The following LRRC69 variants were observed in gnomAD, a reference collection of about 807,000 sequenced individuals.
LRRC69 encodes the protein leucine rich repeat containing 69.
A neutral mutation model predicts 37.8 loss-of-function variants in LRRC69; 42 were observed. The ratio of observed to expected loss-of-function variants is 1.11; its 90% CI spans 0.87 to 1.44. The LOEUF is 1.44. Ranked by LOEUF, LRRC69 falls within the 40% of genes most tolerant of loss-of-function variation. The pLI, the probability that LRRC69 is intolerant of heterozygous loss-of-function variation, is 0.00. For missense variants in LRRC69, 357 were observed against 401.9 expected (o/e 0.89, Z 0.96); for synonymous variants, 141 against 143.1 (o/e 0.99, Z 0.11).
rs1373928469 is a variant in LRRC69, at chr8:91,177,050, A to G, written c.652-12472A>G. 3.3e-5 allele frequency among the ~76,000 whole-genome samples: 5 copies of G among 152,288 alleles called. No individual in the cohort carries two copies. The East Asian group carries it at 9.6e-4, about 29-fold the overall frequency. ...CATTTTATTAAAAATAGGTAATTATAGTCTTTTTTGGGGGGAGGAATCAGA... is the reference window on the plus strand; with the variant it reads ...CATTTTATTAAAAATAGGTAATTATGGTCTTTTTTGGGGGGAGGAATCAGA... On this transcript the variant is annotated intron_variant, in intron 5 of 7. Coordinates refer to ENST00000448384, the Ensembl canonical transcript of LRRC69.
chr8:91,106,458 A>G (rs947090918), intron 1 of LRRC69, among the ~76,000 whole-genome samples: 4 of 152,048 alleles, frequency 2.6e-5, no homozygotes, highest in African/African-American at 9.6e-5. Flanking sequence ...TAAAATGCTA[A>G]TAGAATAACA....
chr8:91,157,734 A>G, intron 5 of LRRC69: 1 of 1,605,758 alleles, frequency 6.2e-7, no homozygotes. Flanking sequence ...TGCAGGTGGC[A>G]GTCTGAGGAT....
At chr8:91,167,867 T>C (rs1809056997) in intron 5 of LRRC69, among the ~76,000 whole-genome samples, 1 of 151,990 alleles carries the variant, frequency 6.6e-6, no homozygotes, top group African/African-American at 2.4e-5. Flanking sequence ...TTTTTGGTGA[T>C]AGAAATTCTT....
chr8:91,115,647 G>A (rs974318099), intron 1 of LRRC69, among the ~76,000 whole-genome samples: 2 of 151,792 alleles, frequency 1.3e-5, no homozygotes, highest in African/African-American at 4.8e-5. Flanking sequence ...TTAAATTTTT[G>A]CCCAAACATC....
rs146464936 is a variant in LRRC69 at position 91,173,597 on chromosome 8, A to G, written c.652-15925A>G. 4.7e-4 allele frequency among the ~76,000 whole-genome samples: 72 copies of G among 152,272 alleles called. 1 individual carries two copies. The East Asian group carries it at 0.013, about 27-fold the overall frequency. On this transcript the variant is annotated intron_variant, in intron 5 of 7. Transcript: ENST00000448384. ...GGTAGAGATTAATGGAAGCAAAGTA[A>G]TTGTCTTAATCCATCTGGGCTGCTA...
intron 6 of LRRC69, among the ~76,000 whole-genome samples, chr8:91,199,338 G>T (rs1002655045): frequency 2.0e-5 from 3 of 152,268 alleles, no homozygotes; most frequent in East Asian, 3.9e-4. Context: ...AGCTTAAGTG[G>T]GTAGGAGGTT....
chr8:91,139,414 T>C (rs1035309927), intron 5 of LRRC69, among the ~76,000 whole-genome samples: 30 of 151,772 alleles, frequency 2.0e-4, no homozygotes, highest in African/African-American at 6.8e-4. Context: ...TGGTGGCGGG[T>C]GCCTGCAGTC....
chr8:91,126,052 A>G (rs1813708296), intron 2 of LRRC69, among the ~76,000 whole-genome samples: 1 of 151,886 alleles, frequency 6.6e-6, no homozygotes, highest in South Asian at 2.1e-4. Context: ...GAACTTTGAA[A>G]ATCCCATGTG....
chr8:91,211,288 T>G (rs901663166), intron 7 of LRRC69, among the ~76,000 whole-genome samples: 3 of 152,046 alleles, frequency 2.0e-5, no homozygotes, highest in African/African-American at 7.2e-5. Context: ...AAGTATATGA[T>G]AGTAAAAAAG....
chr8:91,133,082 A>G (rs1301135360), intron 3 of LRRC69, 28 bp from the exon 4 acceptor site: 6 of 1,330,914 alleles, frequency 4.5e-6, no homozygotes, highest in Non-Finnish European at 6.1e-6. Context: ...AGTTTCATTC[A>G]TATACTTTGG....
At chr8:91,127,207 C>G (rs527328654) in intron 3 of LRRC69, 47 bp downstream of exon 3, 418 of 1,341,198 alleles carry the variant, frequency 3.1e-4, no homozygotes, top group Admixed American at 5.2e-4. Flanking sequence ...TGCCCCTCCT[C>G]TATCCCCACC....
At chr8:91,193,047 G>C (rs551316628) in intron 6 of LRRC69, among the ~76,000 whole-genome samples, 4,755 of 149,746 alleles carry the variant, frequency 0.032, 232 homozygotes, top group African/African-American at 0.11. Flanking sequence ...AAGGGATCCA[G>C]TTTCAGCTTT....
At chr8:91,198,224 A>G (rs1011081045) in intron 6 of LRRC69, among the ~76,000 whole-genome samples, 1 of 152,326 alleles carries the variant, frequency 6.6e-6, no homozygotes, top group Non-Finnish European at 1.5e-5. Context: ...GCCAGGCTAA[A>G]TGGTTTACCG....
intron 6 of LRRC69, among the ~76,000 whole-genome samples, chr8:91,192,828 T>C (rs1266257331): frequency 2.0e-5 from 3 of 150,532 alleles, no homozygotes; most frequent in Admixed American, 2.0e-4. Context: ...TTTCTTTTGC[T>C]GTGCAGAAGC....
At chr8:91,215,494 TAAAGTGG>T (rs1810027923) in intron 7 of LRRC69, among the ~76,000 whole-genome samples, 2 of 152,186 alleles carry the variant, frequency 1.3e-5, no homozygotes, top group African/African-American at 4.8e-5. Context: ...TATTTGAATT[TAAAGTGG>T]AAAACTACTT....
intron 1 of LRRC69, among the ~76,000 whole-genome samples, chr8:91,115,349 T>C (rs1426406628): frequency 2.0e-5 from 3 of 151,874 alleles, no homozygotes; most frequent in Admixed American, 6.6e-5. Context: ...AGGTAACATA[T>C]GAGAAAAAGG....
rs543464182 is a variant in LRRC69 at position 91,132,766 on chromosome 8, A to T, written c.384-344A>T. On this transcript the variant is annotated intron_variant, in intron 3 of 7. Transcript: ENST00000448384. ...CCTGTTCCTGTATTGATCTATATACATAGGTATGTCCGTGTTCTCCTTGTC... is the reference window on the plus strand; with the variant it reads ...CCTGTTCCTGTATTGATCTATATACTTAGGTATGTCCGTGTTCTCCTTGTC... Among the ~76,000 whole-genome samples, 13 of 152,062 alleles carry T rather than the reference A, an allele frequency of 8.5e-5. No individual in the cohort carries two copies. In the South Asian group the frequency reaches 2.7e-3, roughly 32 times the overall value.
At chr8:91,183,171 CT>C (rs1809351693) in intron 5 of LRRC69, among the ~76,000 whole-genome samples, 1 of 152,102 alleles carries the variant, frequency 6.6e-6, no homozygotes, top group African/African-American at 2.4e-5. Context: ...GGATTTTGAA[CT>C]TTAAGGACAA....
intron 6 of LRRC69, 84 bp downstream of exon 6, chr8:91,189,707 C>T (rs1392616248): frequency 3.3e-6 from 3 of 900,646 alleles, no homozygotes; most frequent in Admixed American, 2.6e-5. Context: ...AACATTCTTG[C>T]CAAGCCAGCA....
Sources: allele counts gnomAD v4.1 joint callset (sites outside exome capture counted in the v4.1 genomes callset), GRCh38; gene constraint gnomAD v4.1.1; transcripts MANE v1.5; gene names NCBI Gene and HGNC (gene_info 2026-07-23, HGNC 2026-07-21).